The following TBC1D13 variants were observed in gnomAD, a reference collection of about 807,000 sequenced individuals.
TBC1D13 encodes the protein TBC1 domain family member 13.
In TBC1D13, 40 loss-of-function variants were observed where a neutral mutation model predicts 53.6. The observed-to-expected ratio is 0.75, with a 90% CI of 0.58 to 0.97. The LOEUF (loss-of-function observed/expected upper bound fraction) is 0.97, where lower values mean the gene tolerates loss of function less well. TBC1D13 is among the 50% of genes least tolerant of loss of function. The pLI is 0.00. For missense variants in TBC1D13, 377 were observed against 499.4 expected (o/e 0.75, Z 2.34); for synonymous variants, 182 against 197.7 (o/e 0.92, Z 0.67).
intron 6 of TBC1D13, among the ~76,000 whole-genome samples, chr9:128,795,702 C>T (rs1362150130): frequency 1.3e-5 from 2 of 152,148 alleles, no homozygotes; most frequent in East Asian, 1.9e-4. Flanking sequence ...CCTCGTGATC[C>T]GCCTGCCTTG....
chr9:128,807,538 G>A (rs1454566193), intron 11 of TBC1D13, among the ~76,000 whole-genome samples: 2 of 152,234 alleles, frequency 1.3e-5, no homozygotes, highest in African/African-American at 4.8e-5. Flanking sequence ...TTCAGTGGCA[G>A]TAGTGGGAGA....
Position 128,807,995 on chromosome 9 carries a change from C to T in TBC1D13, c.*116C>T, listed in dbSNP as rs3750323. 139,920 of 995,732 alleles carry T rather than the reference C, an allele frequency of 0.14. 11,680 individuals carry two copies. Among genetic ancestry groups the T allele is most frequent in the African/African-American group, 0.34 (21,111 of 62,634 alleles). The allele number at this position is 995,732 out of a possible 1,614,324, so 61.7% of individuals were successfully genotyped here. A position where few individuals can be genotyped will look rare whatever the true frequency, so the allele number is the denominator to read the frequency against. On this transcript the variant is annotated 3_prime_UTR_variant, in exon 12 of 12. Coordinates refer to ENST00000372648, the MANE Select transcript of TBC1D13 (RefSeq NM_018201.5). ...CTGAGGGGAAGCCACAGGATCGGCC[C>T]GAGACCCAGGCCATGCCCACTGGGG...
At chr9:128,807,745 A>C in intron 11 of TBC1D13, 69 bp from the exon 12 acceptor site, 4 of 1,522,518 alleles carry the variant, frequency 2.6e-6, no homozygotes, top group Admixed American at 1.7e-5. Flanking sequence ...GGGTCCCAGC[A>C]GGGAGGGTGT....
At chr9:128,807,066 G>T (rs10988124) in intron 11 of TBC1D13, among the ~76,000 whole-genome samples, 1 of 151,140 alleles carries the variant, frequency 6.6e-6, no homozygotes, top group African/African-American at 2.4e-5. Context: ...TCACCAGCAC[G>T]TGGCCTTAGT....
At chr9:128,790,820 G>C (rs1430472518) in intron 3 of TBC1D13, 45 bp downstream of exon 3, 1 of 1,548,280 alleles carries the variant, frequency 6.5e-7, no homozygotes, top group South Asian at 1.2e-5. Flanking sequence ...GAGAGTCCCT[G>C]GGTTTTCCTG....
In TBC1D13 at chr9:128,809,639, G is replaced by A. The variant is rs1343760867; in HGVS notation, c.*1760G>A. On this transcript the variant is annotated 3_prime_UTR_variant, in exon 12 of 12. Transcript: ENST00000372648. ...GCACATTGGCAAGTGCTCTGGGGAT[G>A]AGGCATGGGTATAGGAAGGGAGAAA... 1 of 152,254 alleles carries A rather than the reference G, an allele frequency of 6.6e-6. No homozygotes were observed. Among genetic ancestry groups the A allele is most frequent in the East Asian group, 1.9e-4 (1 of 5,198 alleles). The allele number at this position is 152,254 out of a possible 1,614,324, so 9.4% of individuals were successfully genotyped here. A position where few individuals can be genotyped will look rare whatever the true frequency, so the allele number is the denominator to read the frequency against.
intron 1 of TBC1D13, 75 bp from the exon 2 acceptor site, chr9:128,788,259 G>T: frequency 7.5e-7 from 1 of 1,333,752 alleles, no homozygotes. Context: ...CTGGCAGTGT[G>T]AGGGAGCTGA....
chr9:128,789,700 G>A (rs2132529433), intron 2 of TBC1D13, among the ~76,000 whole-genome samples: 1 of 151,754 alleles, frequency 6.6e-6, no homozygotes, highest in Admixed American at 6.6e-5. Flanking sequence ...TATGTGCAGT[G>A]CTCTGTGCTA....
At chr9:128,803,814 G>A (rs1422325818) in intron 8 of TBC1D13, 142 bp from the exon 9 acceptor site, 4 of 1,034,244 alleles carry the variant, frequency 3.9e-6, no homozygotes, top group South Asian at 3.3e-5. Flanking sequence ...GGTGGAGAGG[G>A]GTCAAGGACA....
intron 6 of TBC1D13, among the ~76,000 whole-genome samples, chr9:128,795,323 C>T (rs559111591): frequency 6.6e-6 from 1 of 151,056 alleles, no homozygotes; most frequent in Non-Finnish European, 1.5e-5. Flanking sequence ...GTGATTTCTC[C>T]TGCCTCAGCC....
At position 128,810,107 on chromosome 9, in the gene TBC1D13, A is replaced by G. The variant is rs1346094460; in HGVS notation, c.*2228A>G. The G allele has an allele frequency of 2.0e-5, 3 of 152,250 alleles. No individual in the cohort carries two copies. The highest frequency in any genetic ancestry group is 4.4e-5 in the Non-Finnish European group (3 of 68,064). The allele number at this position is 152,250 out of a possible 1,614,324, so 9.4% of individuals were successfully genotyped here. A position where few individuals can be genotyped will look rare whatever the true frequency, so the allele number is the denominator to read the frequency against. On this transcript the variant is annotated 3_prime_UTR_variant, in exon 12 of 12. Transcript: ENST00000372648. ...CTCCTTGACCTTGAGATGAAGGTCA[A>G]GAGCACAGGGACCAGGCCTTGGTTA...
At chr9:128,793,545 T>C (rs536260964) in intron 6 of TBC1D13, among the ~76,000 whole-genome samples, 62 of 152,268 alleles carry the variant, frequency 4.1e-4, no homozygotes, top group African/African-American at 1.4e-3. Flanking sequence ...ACTCACACCT[T>C]CTGATCATTA....
intron 11 of TBC1D13, among the ~76,000 whole-genome samples, chr9:128,806,559 C>T (rs1028636465): frequency 2.0e-5 from 3 of 152,220 alleles, no homozygotes; most frequent in African/African-American, 7.2e-5. Context: ...TAGGTGTTCA[C>T]ACCTAGGACA....
chr9:128,804,685 AG>A (rs765072776), intron 9 of TBC1D13, among the ~76,000 whole-genome samples: 1 of 149,674 alleles, frequency 6.7e-6, no homozygotes, highest in African/African-American at 2.5e-5. Context: ...CTGGGATTAC[AG>A]GCATGAGCCA....
chr9:128,807,616 G>A (rs1020999964), intron 11 of TBC1D13, among the ~76,000 whole-genome samples, 198 bp from the exon 12 acceptor site: 24 of 152,192 alleles, frequency 1.6e-4, no homozygotes, highest in African/African-American at 4.8e-4. Context: ...TGTTTGGATC[G>A]TTGAGTTGGT....
In TBC1D13 at chr9:128,792,453, G is replaced by C. The variant is rs1054071565; in HGVS notation, c.301-39G>C. On this transcript the variant is annotated intron_variant, in intron 5 of 11. Transcript: ENST00000372648. ...GGATAGAATCGGGCCCCGGGGCCTA[G>C]CTGGGCCTTGGACAGAGCATCTTCA... The C allele has an allele frequency of 3.1e-6, 5 of 1,603,812 alleles. No individual in the cohort carries two copies. The African/African-American group carries it at 5.4e-5, about 17-fold the overall frequency.
Position 128,804,806 on chromosome 9 carries a change from G to A in TBC1D13, c.918+687G>A, listed in dbSNP as rs892463799. Among the ~76,000 whole-genome samples, 5 of 133,330 alleles carry A rather than the reference G, an allele frequency of 3.8e-5. No individual in the cohort carries two copies. In the South Asian group the frequency reaches 7.3e-4, roughly 20 times the overall value. 87.5% of individuals were successfully genotyped at this position (133,330 alleles called of 152,430 possible). A position where few individuals can be genotyped will look rare whatever the true frequency, so the allele number is the denominator to read the frequency against. ...TGCAGTGGTGCAATCTCAGCTCACT[G>A]CAACCTCCGCCTCCCAGGTTCAAGC... On this transcript the variant is annotated intron_variant, in intron 9 of 11. Coordinates refer to ENST00000372648, the MANE Select transcript of TBC1D13 (RefSeq NM_018201.5).
chr9:128,800,719 G>A (rs913717590), intron 7 of TBC1D13, among the ~76,000 whole-genome samples: 1 of 152,076 alleles, frequency 6.6e-6, no homozygotes, highest in Non-Finnish European at 1.5e-5. Context: ...GAGTACACTG[G>A]ATAACTATCT....
Position 128,787,340 on chromosome 9 carries a change from C to T in TBC1D13, c.-14C>T. 7.9e-7 allele frequency: 1 copy of T among 1,259,726 alleles called. No homozygotes were observed. Among genetic ancestry groups the T allele is most frequent in the Non-Finnish European group, 1.0e-6 (1 of 996,220 alleles). The allele number at this position is 1,259,726 out of a possible 1,614,324, so 78.0% of individuals were successfully genotyped here. The stretch of plus-strand genomic sequence containing the variant: ...AGGCGGCGGAGGCGGCTGGGGGGTC[C>T]GGAAGTCAACACCATGTCAAGTCTG... On this transcript the variant is annotated 5_prime_UTR_variant, in exon 1 of 12. Transcript: ENST00000372648.
Sources: gnomAD v4.1 joint callset for allele counts (sites outside exome capture counted in the v4.1 genomes callset) on GRCh38, gnomAD v4.1.1 for gene constraint, MANE v1.5 for transcripts, NCBI Gene and HGNC (gene_info 2026-07-23, HGNC 2026-07-21) for gene names.